TMEM123: variants seen among roughly 807,000 people sequenced by gnomAD.
TMEM123 encodes transmembrane protein 123, also known as porimin.
TMEM123 carries 16 observed loss-of-function variants against 19.7 expected under a neutral mutation model. The observed-to-expected ratio is 0.81, with a 90% CI of 0.55 to 1.23. The LOEUF is 1.23. Among genes scored for constraint, TMEM123 ranks in the 50% most tolerant of loss-of-function variants. The pLI is 0.00. For missense variants in TMEM123, 313 were observed against 257.8 expected, an observed-to-expected ratio of 1.21 and a Z score of -1.47; for synonymous variants, 118 against 99.4, an observed-to-expected ratio of 1.19 and a Z score of -1.12.
At chr11:102,402,276 C>G in intron 2 of TMEM123, 70 bp from the exon 3 acceptor site, 1 of 1,492,112 alleles carries the variant, frequency 6.7e-7, no homozygotes, top group Admixed American at 1.9e-5. Flanking sequence ...TTCACTGAGA[C>G]TTTCATGGTC....
Position 102,448,690 on chromosome 11 carries a change from T to C in TMEM123, c.157+122A>G, listed in dbSNP as rs752966008. On this transcript the variant is annotated intron_variant, in intron 2 of 4. Transcript: ENST00000398136. Reference sequence around the variant, plus strand: ...CACTAGGGCAGGTTATTGGGATTCATGGGTGAAGAACTCAGGGTTAAAACA... The same window carrying C: ...CACTAGGGCAGGTTATTGGGATTCACGGGTGAAGAACTCAGGGTTAAAACA... 451 of 851,432 alleles carry C rather than the reference T, an allele frequency of 5.3e-4. 2 individuals carry two copies. The highest frequency in any genetic ancestry group is 3.8e-4 in the Non-Finnish European group (200 of 522,194). 52.7% of individuals were successfully genotyped at this position (851,432 alleles called of 1,614,324 possible).
At chr11:102,419,198 G>A (rs568385416) in intron 2 of TMEM123, among the ~76,000 whole-genome samples, 76 of 152,266 alleles carry the variant, frequency 5.0e-4, no homozygotes, top group African/African-American at 1.7e-3. Context: ...TCAAGTTTAT[G>A]GCTTTTCATG....
intron 2 of TMEM123, among the ~76,000 whole-genome samples, chr11:102,430,762 G>T (rs758651091): frequency 6.6e-6 from 1 of 152,174 alleles, no homozygotes; most frequent in African/African-American, 2.4e-5. Context: ...TCTCTTAGCC[G>T]CATGAGACAG....
At position 102,433,285 on chromosome 11, in the gene TMEM123, G is replaced by T. The variant is rs545887552; in HGVS notation, c.157+15527C>A. On this transcript the variant is annotated intron_variant, in intron 2 of 4. Coordinates refer to ENST00000398136, the MANE Select transcript of TMEM123 (RefSeq NM_052932.3). ...TCTGCAAAGCCACAGGGGTGGAGCT[G>T]CTCAAGGACATGGGAGCCCACCTCT... is the stretch of plus-strand genomic sequence containing the variant. Among the ~76,000 whole-genome samples, 8 of 152,126 alleles carry T rather than the reference G, an allele frequency of 5.3e-5. No individual in the cohort carries two copies. In the East Asian group the frequency reaches 1.4e-3, roughly 26 times the overall value.
At chr11:102,439,803 G>GA (rs1327727015) in intron 2 of TMEM123, among the ~76,000 whole-genome samples, 2 of 152,072 alleles carry the variant, frequency 1.3e-5, no homozygotes, top group African/African-American at 4.8e-5. Flanking sequence ...TAAAAACCTT[G>GA]AAAAAAGATT....
chr11:102,398,596 C>CAAA lies in TMEM123; in HGVS notation c.*268_*270dup. On this transcript the variant is annotated 3_prime_UTR_variant, in exon 5 of 5. Transcript: ENST00000398136. ...ATGTGACCAATGCCCCCACCCCAGC[C>CAAA]AAAAAAAAAAAGATAGGACTTGTTT... 5.0e-6 allele frequency: 2 copies of CAAA among 401,318 alleles called. No homozygotes were observed. The highest frequency in any genetic ancestry group is 8.7e-6 in the Non-Finnish European group (2 of 230,968). The allele number at this position is 401,318 out of a possible 1,614,324, so 24.9% of individuals were successfully genotyped here.
At chr11:102,402,296 G>C in intron 2 of TMEM123, 90 bp from the exon 3 acceptor site, 1 of 1,344,912 alleles carries the variant, frequency 7.4e-7, no homozygotes, top group Non-Finnish European at 1.0e-6. Context: ...CACAGACAAA[G>C]CAAGAGATCT....
intron 2 of TMEM123, among the ~76,000 whole-genome samples, chr11:102,438,956 A>G (rs1346012477): frequency 1.3e-5 from 2 of 152,244 alleles, no homozygotes; most frequent in East Asian, 1.9e-4. Flanking sequence ...CACGTGGCTC[A>G]GAGGGTCCCA....
Position 102,452,520 on chromosome 11 carries a change from T to C in TMEM123, c.100+4A>G. The C allele has an allele frequency of 2.0e-6, 3 of 1,523,958 alleles. No homozygotes were observed. The highest frequency in any genetic ancestry group is 2.5e-5 in the East Asian group (1 of 39,968). 94.4% of individuals were successfully genotyped at this position (1,523,958 alleles called of 1,614,324 possible). A position where few individuals can be genotyped will look rare whatever the true frequency, so the allele number is the denominator to read the frequency against. On this transcript the variant is annotated splice_donor_region_variant and intron_variant, in intron 1 of 4. Coordinates refer to ENST00000398136, the MANE Select transcript of TMEM123 (RefSeq NM_052932.3). ...CGGGGCTGACGACCCCCGCAGCCACTTACCCGCCATGGCTGCGCTTTCATG... is the reference window on the plus strand; with the variant it reads ...CGGGGCTGACGACCCCCGCAGCCACCTACCCGCCATGGCTGCGCTTTCATG...
intron 2 of TMEM123, among the ~76,000 whole-genome samples, chr11:102,414,509 A>ACCCT (rs895497557): frequency 6.6e-6 from 1 of 152,136 alleles, no homozygotes; most frequent in African/African-American, 2.4e-5. Context: ...TTCTGCAGAA[A>ACCCT]CCCTCTAAGC....
In TMEM123 at chr11:102,425,628, G is replaced by A. The variant is rs1356028147; in HGVS notation, c.157+23184C>T. ...GGCAAGGTCTCACTCTGTTGCCCAG[G>A]CTAGAAGTGCAGTGGCATGGTTGCA... On this transcript the variant is annotated intron_variant, in intron 2 of 4. Transcript: ENST00000398136. Among the ~76,000 whole-genome samples, 3 of 145,486 alleles carry A rather than the reference G, an allele frequency of 2.1e-5. 1 individual carries two copies. The highest frequency in any genetic ancestry group is 4.5e-5 in the Non-Finnish European group (3 of 66,944).
At chr11:102,439,867 T>TG (rs140975407) in intron 2 of TMEM123, among the ~76,000 whole-genome samples, 5,201 of 152,280 alleles carry the variant, frequency 0.034, 325 homozygotes, top group African/African-American at 0.12. Flanking sequence ...AATGACCTGA[T>TG]GGAGCTGAAA....
intron 2 of TMEM123, among the ~76,000 whole-genome samples, chr11:102,405,387 G>A (rs187391953): frequency 8.5e-5 from 13 of 152,150 alleles, no homozygotes; most frequent in Admixed American, 7.2e-4. Flanking sequence ...AGGAATTAAC[G>A]CTTTTATACT....
At chr11:102,435,225 C>G (rs1284730106) in intron 2 of TMEM123, among the ~76,000 whole-genome samples, 4 of 151,632 alleles carry the variant, frequency 2.6e-5, no homozygotes, top group Non-Finnish European at 5.9e-5. Context: ...TCTTTATAAT[C>G]ACAAAAAATA....
chr11:102,409,990 C>T lies in TMEM123; in HGVS notation c.158-7784G>A, dbSNP rs1012987420. Among the ~76,000 whole-genome samples the T allele has an allele frequency of 3.3e-5, 5 of 151,026 alleles. No homozygotes were observed. In the East Asian group the frequency reaches 9.7e-4, roughly 29 times the overall value. On this transcript the variant is annotated intron_variant, in intron 2 of 4. Transcript: ENST00000398136. ...TTTTCTGAAAATGTTTTATAAATTC[C>T]TGAATTTTTAAACTCAAAAACTAAA...
At chr11:102,448,787 G>GC in intron 2 of TMEM123, 25 bp downstream of exon 2, 2 of 1,609,268 alleles carry the variant, frequency 1.2e-6, no homozygotes, top group African/African-American at 2.7e-5. Context: ...ATGAAAATTT[G>GC]TTTTTTTAAT....
intron 2 of TMEM123, among the ~76,000 whole-genome samples, chr11:102,437,031 G>C (rs573236560): frequency 1.3e-5 from 2 of 152,178 alleles, no homozygotes; most frequent in African/African-American, 4.8e-5. Flanking sequence ...TCCTGTTCTT[G>C]AAAAGGAAAA....
chr11:102,441,405 A>C (rs1308725432), intron 2 of TMEM123, among the ~76,000 whole-genome samples: 1 of 152,210 alleles, frequency 6.6e-6, no homozygotes, highest in Non-Finnish European at 1.5e-5. Flanking sequence ...AAAACCGCTC[A>C]ACTACATGGA....
Position 102,401,696 on chromosome 11 carries a change from G to C in TMEM123, c.449-4C>G, listed in dbSNP as rs1316207066. ...TCAGAATGCATAGTTGTTGTGACTAGAACAAAAGAAAACAAAAAAGGGCTT... is the reference window on the plus strand; with the variant it reads ...TCAGAATGCATAGTTGTTGTGACTACAACAAAAGAAAACAAAAAAGGGCTT... On this transcript the variant is annotated splice_polypyrimidine_tract_variant and splice_region_variant and intron_variant, in intron 3 of 4. Transcript: ENST00000398136. 2 of 1,567,108 alleles carry C rather than the reference G, an allele frequency of 1.3e-6. No homozygotes were observed. The highest frequency in any genetic ancestry group is 1.7e-6 in the Non-Finnish European group (2 of 1,168,068).
Sources: allele counts gnomAD v4.1 joint callset (sites outside exome capture counted in the v4.1 genomes callset), GRCh38; gene constraint gnomAD v4.1.1; transcripts MANE v1.5; gene names NCBI Gene and HGNC (gene_info 2026-07-23, HGNC 2026-07-21).